NAALADL2: variants seen among roughly 807,000 people sequenced by gnomAD.
The protein encoded by NAALADL2 is N-acetylated alpha-linked acidic dipeptidase like 2, also known as inactive N-acetylated-alpha-linked acidic dipeptidase-like protein 2.
NAALADL2 carries 76 observed loss-of-function variants against 87.2 expected under a neutral mutation model. That is an observed-to-expected ratio of 0.87 (90% CI 0.72 to 1.05). The LOEUF is 1.05. NAALADL2 is among the 50% of genes least tolerant of loss of function. The pLI, the probability that NAALADL2 is intolerant of heterozygous loss-of-function variation, is 0.00. For missense variants in NAALADL2, 1,089 were observed against 945.8 expected, an observed-to-expected ratio of 1.15 and a Z score of -1.99; for synonymous variants, 354 against 331.0, an observed-to-expected ratio of 1.07 and a Z score of -0.75.
intron 4 of NAALADL2, among the ~76,000 whole-genome samples, chr3:175,263,585 A>G (rs1265801742): frequency 6.6e-6 from 1 of 151,884 alleles, no homozygotes; most frequent in Non-Finnish European, 1.5e-5. Flanking sequence ...ATTTTCGCAT[A>G]TTTCTTATTG....
At chr3:175,616,572 G>C (rs921718792) in intron 10 of NAALADL2, among the ~76,000 whole-genome samples, 62 of 152,034 alleles carry the variant, frequency 4.1e-4, no homozygotes, top group African/African-American at 1.5e-3. Context: ...GTGTATATGT[G>C]ACACAGAATT....
intron 10 of NAALADL2, among the ~76,000 whole-genome samples, chr3:175,623,468 A>T (rs10936863): frequency 0.74 from 112,609 of 151,520 alleles, 42,431 homozygotes; most frequent in East Asian, 0.88. Flanking sequence ...TTATAGTGTG[A>T]TAGTTGTTGG....
rs563283713 is a variant in NAALADL2, at chr3:175,135,633, GC to G, written c.545+38345del. ...ACCTAAAGTCAAATTGTAACAAGAGGCCCATAGAAATAAAGTGCAGATCATG... is the reference window on the plus strand; with the variant it reads ...ACCTAAAGTCAAATTGTAACAAGAGGCCATAGAAATAAAGTGCAGATCATG... On this transcript the variant is annotated intron_variant, in intron 2 of 13. Transcript: ENST00000454872. 2.7e-3 allele frequency among the ~76,000 whole-genome samples: 415 copies of G among 152,164 alleles called. 3 individuals carry two copies. The highest frequency in any genetic ancestry group is 9.5e-3 in the African/African-American group (394 of 41,518).
chr3:174,602,593 C>A (rs1718566926), intron 2 of NAALADL2, among the ~76,000 whole-genome samples: 2 of 151,004 alleles, frequency 1.3e-5, no homozygotes, highest in Admixed American at 6.6e-5. Context: ...ATTTTGTTTT[C>A]CAATTTGGAT....
intron 2 of NAALADL2, among the ~76,000 whole-genome samples, chr3:174,634,250 T>C (rs967744044): frequency 6.6e-6 from 1 of 152,180 alleles, no homozygotes; most frequent in African/African-American, 2.4e-5. Context: ...TAAAAAATCA[T>C]AAAGTTTGTG....
rs35213579 is a variant in NAALADL2 at position 175,471,618 on chromosome 3, C to CT, written c.1534-11dup. Reference sequence around the variant, plus strand: ...TATTTATTTGTCTTACAGATAGATCCTTTTTTTTTTGTTATTTCAGGATTT... The same window carrying CT: ...TATTTATTTGTCTTACAGATAGATCCTTTTTTTTTTTGTTATTTCAGGATTT... On this transcript the variant is annotated intron_variant, in intron 8 of 13. Coordinates refer to ENST00000454872, the MANE Select transcript of NAALADL2 (RefSeq NM_207015.3). 2.5e-3 allele frequency: 3,157 copies of CT among 1,240,416 alleles called. 7 individuals carry two copies. Among genetic ancestry groups the CT allele is most frequent in the Non-Finnish European group, 2.7e-3 (2,309 of 868,182 alleles). The allele number at this position is 1,240,416 out of a possible 1,614,324, so 76.8% of individuals were successfully genotyped here.
At chr3:175,000,280 G>C (rs190469418) in intron 1 of NAALADL2, among the ~76,000 whole-genome samples, 27 of 152,292 alleles carry the variant, frequency 1.8e-4, no homozygotes, top group African/African-American at 5.5e-4. Context: ...TACTGCAATA[G>C]AAGTATATGC....
chr3:174,852,167 A>T (rs1725328222), intron 3 of NAALADL2, among the ~76,000 whole-genome samples: 1 of 152,140 alleles, frequency 6.6e-6, no homozygotes, highest in African/African-American at 2.4e-5. Flanking sequence ...AGAATAAGAG[A>T]ATGATGCCCA....
chr3:175,180,413 T>C (rs1042551689), intron 2 of NAALADL2, among the ~76,000 whole-genome samples: 1 of 151,986 alleles, frequency 6.6e-6, no homozygotes, highest in Non-Finnish European at 1.5e-5. Flanking sequence ...TATTATCTGT[T>C]ACTATTACAG....
chr3:174,760,214 C>G lies in NAALADL2; in HGVS notation c.-9+22468C>G, dbSNP rs891000275. The stretch of plus-strand genomic sequence containing the variant: ...CCCATAGGCCTAGTCATTCAGGTGT[C>G]TCCTCCATATCTCCATGCTGGTGAA... On this transcript the variant is annotated intron_variant, in intron 3 of 3. Transcript: ENST00000434257. Among the ~76,000 whole-genome samples the G allele has an allele frequency of 5.3e-5, 8 of 152,302 alleles. No individual in the cohort carries two copies. The South Asian group carries it at 1.5e-3, about 28-fold the overall frequency.
At chr3:174,794,850 A>T (rs1049414488) in intron 3 of NAALADL2, among the ~76,000 whole-genome samples, 1 of 152,114 alleles carries the variant, frequency 6.6e-6, no homozygotes, top group Non-Finnish European at 1.5e-5. Context: ...TTACTAAAAA[A>T]ATCATGATCT....
intron 2 of NAALADL2, among the ~76,000 whole-genome samples, chr3:175,120,363 A>T (rs749330016): frequency 1.3e-5 from 2 of 151,780 alleles, no homozygotes; most frequent in African/African-American, 2.4e-5. Flanking sequence ...TCTAAAAGGT[A>T]TGGATTTCTA....
At chr3:175,478,805 T>G (rs1302057492) in intron 9 of NAALADL2, among the ~76,000 whole-genome samples, 1 of 151,862 alleles carries the variant, frequency 6.6e-6, no homozygotes, top group Non-Finnish European at 1.5e-5. Context: ...TAAAATTCTG[T>G]AACAGTATCA....
At chr3:175,262,999 C>CAAAAAAAAAAAA (rs71626206) in intron 4 of NAALADL2, among the ~76,000 whole-genome samples, 4 of 128,930 alleles carry the variant, frequency 3.1e-5, no homozygotes, top group African/African-American at 5.8e-5. Context: ...GAAGTAATTG[C>CAAAAAAAAAAAA]AAAAAAAAAA....
At chr3:175,165,004 T>A (rs1342192288) in intron 2 of NAALADL2, among the ~76,000 whole-genome samples, 1 of 152,198 alleles carries the variant, frequency 6.6e-6, no homozygotes, top group Non-Finnish European at 1.5e-5. Context: ...AGCAGGTATC[T>A]ACTGCACACC....
At chr3:175,072,040 T>C (rs1042730172) in intron 1 of NAALADL2, among the ~76,000 whole-genome samples, 3 of 152,118 alleles carry the variant, frequency 2.0e-5, no homozygotes, top group Non-Finnish European at 2.9e-5. Context: ...GGAATATATG[T>C]ACATTTTGTG....
intron 2 of NAALADL2, among the ~76,000 whole-genome samples, chr3:175,204,416 A>G (rs1185927302): frequency 6.6e-6 from 1 of 152,176 alleles, no homozygotes; most frequent in Non-Finnish European, 1.5e-5. Context: ...TTAAAACTGC[A>G]AAATCGGCAT....
In NAALADL2 at chr3:174,833,625, G is replaced by C. The variant is rs117812920; in HGVS notation, c.-9+95879G>C. Among the ~76,000 whole-genome samples, 11 of 152,148 alleles carry C rather than the reference G, an allele frequency of 7.2e-5. 1 individual carries two copies. In the East Asian group the frequency reaches 2.1e-3, roughly 29 times the overall value. On this transcript the variant is annotated intron_variant, in intron 3 of 3. Coordinates refer to the NAALADL2 transcript ENST00000434257. ...TTCCAGAAAAAAACTATACTTTTAT[G>C]TATATCATAAATCTGAACATACATA...
chr3:174,576,753 A>G (rs867652508), intron 2 of NAALADL2, among the ~76,000 whole-genome samples: 47 of 152,308 alleles, frequency 3.1e-4, no homozygotes, highest in Middle Eastern at 3.4e-3. Flanking sequence ...AATACACTGA[A>G]GTAAGGTTTA....
Sources: allele counts gnomAD v4.1 joint callset (sites outside exome capture counted in the v4.1 genomes callset), GRCh38; gene constraint gnomAD v4.1.1; transcripts MANE v1.5; gene names NCBI Gene and HGNC (gene_info 2026-07-23, HGNC 2026-07-21).